Variants in IFT80 observed in about 807,000 individuals in gnomAD.
IFT80 encodes the protein intraflagellar transport 80.
Under a neutral mutation model 107.9 loss-of-function variants are expected in IFT80, and 79 were observed. That is an observed-to-expected ratio of 0.73 (90% CI 0.61 to 0.88). IFT80 has a LOEUF of 0.88. IFT80 is among the 40% of genes least tolerant of loss of function. IFT80 has a pLI of 0.00. For missense variants in IFT80, 797 were observed against 914.2 expected, an observed-to-expected ratio of 0.87 and a Z score of 1.65; for synonymous variants, 299 against 300.9, an observed-to-expected ratio of 0.99 and a Z score of 0.07.
At chr3:160,383,329 A>AT (rs544768394) in intron 2 of IFT80, 129 of 398,356 alleles carry the variant, frequency 3.2e-4, no homozygotes, top group African/African-American at 1.7e-3. Context: ...TTGAAAGCAC[A>AT]TTTTTTTTGA....
At chr3:160,384,113 C>T (rs896707358) in intron 2 of IFT80, 4 of 213,508 alleles carry the variant, frequency 1.9e-5, no homozygotes, top group African/African-American at 2.4e-5. Flanking sequence ...GGCATGTTGG[C>T]GGGTGCCTAT....
intron 15 of IFT80, among the ~76,000 whole-genome samples, chr3:160,280,310 T>C (rs1714587969): frequency 1.3e-5 from 2 of 152,340 alleles, no homozygotes; most frequent in South Asian, 2.1e-4. Context: ...ACGTCAATGA[T>C]AATCTGTGAC....
rs78364988 is a variant in IFT80 at position 160,385,012 on chromosome 3, C to A, written c.-46-366G>T. Among the ~76,000 whole-genome samples, 1,650 of 152,260 alleles carry A rather than the reference C, an allele frequency of 0.011. 85 individuals are homozygous for A. The East Asian group carries it at 0.12, about 11-fold the overall frequency. On this transcript the variant is annotated intron_variant, in intron 1 of 19. Coordinates refer to ENST00000326448, the MANE Select transcript of IFT80 (RefSeq NM_020800.3). The stretch of plus-strand genomic sequence containing the variant: ...GGTCCTGTCTATTGGATACAAATAT[C>A]CAAGGTGTGATTGAGGGCTAAGCTA...
chr3:160,360,559 T>C lies in IFT80; in HGVS notation c.550-2981A>G, dbSNP rs570801335. Among the ~76,000 whole-genome samples, 18 of 152,248 alleles carry C rather than the reference T, an allele frequency of 1.2e-4. No homozygotes were observed. The South Asian group carries it at 3.5e-3, about 30-fold the overall frequency. Reference sequence around the variant, plus strand: ...AACCCCAAGACACATAATTGTCAGATTCACCAAGGTAGAAATGAAGGAAAA... The same window carrying C: ...AACCCCAAGACACATAATTGTCAGACTCACCAAGGTAGAAATGAAGGAAAA... On this transcript the variant is annotated intron_variant, in intron 6 of 19. Transcript: ENST00000326448.
intron 8 of IFT80, among the ~76,000 whole-genome samples, chr3:160,325,895 T>C (rs1208285806): frequency 6.6e-6 from 1 of 152,112 alleles, no homozygotes; most frequent in Non-Finnish European, 1.5e-5. Flanking sequence ...TTTTGGAGTA[T>C]TTTGGCTTTT....
intron 1 of IFT80, among the ~76,000 whole-genome samples, chr3:160,398,632 C>T (rs924378737): frequency 3.9e-5 from 6 of 152,082 alleles, no homozygotes; most frequent in Non-Finnish European, 8.8e-5. Context: ...CACCTACCAC[C>T]AGATCCACAG....
At chr3:160,295,461 T>A (rs1407491876) in intron 12 of IFT80, among the ~76,000 whole-genome samples, 3 of 151,856 alleles carry the variant, frequency 2.0e-5, no homozygotes, top group Non-Finnish European at 4.4e-5. Context: ...AAAAATTAAC[T>A]GGACATAGAG....
intron 8 of IFT80, among the ~76,000 whole-genome samples, chr3:160,352,017 AT>A (rs553114042): frequency 0.12 from 17,680 of 143,616 alleles, 1,496 homozygotes; most frequent in African/African-American, 0.27. Flanking sequence ...CACAATAGTA[AT>A]TTTTTTTTTT....
intron 8 of IFT80, among the ~76,000 whole-genome samples, chr3:160,320,785 T>A (rs1028193625): frequency 3.9e-5 from 6 of 151,910 alleles, no homozygotes; most frequent in Non-Finnish European, 8.8e-5. Context: ...TTTGTTTGTT[T>A]GTTTGTTTTA....
At chr3:160,262,838 A>C (rs1712966962) in intron 19 of IFT80, among the ~76,000 whole-genome samples, 1 of 152,180 alleles carries the variant, frequency 6.6e-6, no homozygotes, top group African/African-American at 2.4e-5. Context: ...ACAACCTCTT[A>C]ACTGTTAATA....
chr3:160,288,401 G>A (rs1340829682), intron 12 of IFT80, among the ~76,000 whole-genome samples: 2 of 152,102 alleles, frequency 1.3e-5, no homozygotes, highest in Non-Finnish European at 2.9e-5. Context: ...AGACAACCTA[G>A]GCAATACCAT....
chr3:160,271,728 T>C (rs953328196), intron 18 of IFT80, among the ~76,000 whole-genome samples: 1 of 152,062 alleles, frequency 6.6e-6, no homozygotes, highest in East Asian at 1.9e-4. Context: ...TAAACAAATA[T>C]AGAGATTCAG....
intron 8 of IFT80, among the ~76,000 whole-genome samples, chr3:160,351,806 C>T (rs1320189107): frequency 6.6e-6 from 1 of 150,500 alleles, no homozygotes; most frequent in Non-Finnish European, 1.5e-5. Context: ...AAATGAATTC[C>T]AAATCCTTTT....
intron 12 of IFT80, among the ~76,000 whole-genome samples, chr3:160,291,691 A>G (rs1333387848): frequency 6.6e-6 from 1 of 152,208 alleles, no homozygotes; most frequent in Non-Finnish European, 1.5e-5. Context: ...CCATGGTCAC[A>G]TGGTCAGGCA....
At chr3:160,265,293 C>T (rs1713218685) in intron 19 of IFT80, among the ~76,000 whole-genome samples, 1 of 152,202 alleles carries the variant, frequency 6.6e-6, no homozygotes, top group African/African-American at 2.4e-5. Flanking sequence ...TTCCTCCAAA[C>T]TTAAAACCTG....
At chr3:160,340,258 C>T (rs1233363142) in intron 8 of IFT80, among the ~76,000 whole-genome samples, 1 of 152,142 alleles carries the variant, frequency 6.6e-6, no homozygotes, top group African/African-American at 2.4e-5. Context: ...ACCTACATGA[C>T]TCATTGCTAA....
chr3:160,350,289 G>A lies in IFT80; in HGVS notation c.777+5724C>T, dbSNP rs1007456641. On this transcript the variant is annotated intron_variant, in intron 8 of 19. Coordinates refer to ENST00000326448, the MANE Select transcript of IFT80 (RefSeq NM_020800.3). ...AAATTAGCTGGGAGTGGTGGTGGAC[G>A]CCTGTAGTCTCAGCTACTTGGGAGG... Among the ~76,000 whole-genome samples, 10 of 151,642 alleles carry A rather than the reference G, an allele frequency of 6.6e-5. No homozygotes were observed. In the South Asian group the frequency reaches 1.3e-3, roughly 19 times the overall value.
intron 5 of IFT80, among the ~76,000 whole-genome samples, chr3:160,375,417 G>T (rs1325027491): frequency 6.6e-6 from 1 of 152,096 alleles, no homozygotes; most frequent in African/African-American, 2.4e-5. Flanking sequence ...ATATTATGAA[G>T]TTATCGGGGA....
At chr3:160,331,668 AT>A (rs11418097) in intron 8 of IFT80, among the ~76,000 whole-genome samples, 14 of 150,288 alleles carry the variant, frequency 9.3e-5, no homozygotes, top group Non-Finnish European at 1.3e-4. Context: ...TACCCTTGTA[AT>A]TTTTTTTTTA....
Sources: gnomAD v4.1 joint callset for allele counts (sites outside exome capture counted in the v4.1 genomes callset) on GRCh38, gnomAD v4.1.1 for gene constraint, MANE v1.5 for transcripts, NCBI Gene and HGNC (gene_info 2026-07-23, HGNC 2026-07-21) for gene names.